The following SH3D19 variants were observed in gnomAD, a reference collection of about 807,000 sequenced individuals.
The protein encoded by SH3D19 is SH3 domain containing 19, also known as SH3 domain-containing protein 19.
A neutral mutation model predicts 112.1 loss-of-function variants in SH3D19; 58 were observed. The ratio of observed to expected loss-of-function variants is 0.52; its 90% confidence interval spans 0.42 to 0.64. The LOEUF (loss-of-function observed/expected upper bound fraction) is 0.64, where lower values mean the gene tolerates loss of function less well. Ranked by LOEUF, SH3D19 falls within the 30% of genes least tolerant of loss-of-function variation. The pLI is 0.00. For synonymous variants in SH3D19, 391 were observed against 448.5 expected (o/e 0.87, Z 1.62); for missense variants, 1,090 against 1,263.4 (o/e 0.86, Z 2.08).
chr4:151,153,350 G>A (rs1052222687), intron 9 of SH3D19, among the ~76,000 whole-genome samples: 6 of 151,804 alleles, frequency 4.0e-5, no homozygotes, highest in Middle Eastern at 3.4e-3. Context: ...GGGTTCAAGC[G>A]ATTCTCCTGC....
At chr4:151,140,343 C>CA (rs1433623657) in intron 12 of SH3D19, 1 of 152,480 alleles carries the variant, frequency 6.6e-6, no homozygotes, top group Non-Finnish European at 1.5e-5. Context: ...GTATAATTCA[C>CA]AAAAAGTAAA....
chr4:151,171,163 T>C (rs996092614), intron 7 of SH3D19, among the ~76,000 whole-genome samples: 4 of 152,138 alleles, frequency 2.6e-5, no homozygotes, highest in Non-Finnish European at 5.9e-5. Context: ...CTCTAAGCTC[T>C]GGATATTGTA....
chr4:151,123,115 G>A (rs893841075), intron 19 of SH3D19, among the ~76,000 whole-genome samples: 1 of 152,180 alleles, frequency 6.6e-6, no homozygotes, highest in Non-Finnish European at 1.5e-5. Context: ...CTCACAAAGT[G>A]TTGGGGTTAC....
intron 2 of SH3D19, among the ~76,000 whole-genome samples, chr4:151,192,718 G>A (rs1044087622): frequency 5.3e-5 from 8 of 152,096 alleles, no homozygotes; most frequent in East Asian, 3.8e-4. Flanking sequence ...CTTTGTGAAC[G>A]CTGTATTTCC....
intron 1 of SH3D19, among the ~76,000 whole-genome samples, chr4:151,262,546 TTCTCA>T (rs1315335241): frequency 6.6e-6 from 1 of 152,210 alleles, no homozygotes; most frequent in Non-Finnish European, 1.5e-5. Context: ...CTTCCTCCAC[TTCTCA>T]TATCTTCAGA....
chr4:151,144,019 G>A lies in SH3D19; in HGVS notation c.2114C>T (p.Thr705Met), dbSNP rs377758866. 59 of 1,613,836 alleles carry A rather than the reference G, an allele frequency of 3.7e-5. No individual in the cohort carries two copies. The highest frequency in any genetic ancestry group is 6.7e-5 in the East Asian group (3 of 44,886). ...RGDVLVMLKQ[T>M]ENNYLECQKG... is the part of the protein sequence containing the mutation. ...TTGGCACTCCAAGTAATTATTTTCC[G>A]TCTGCTTCAGCATCACAAGTACATC... Residue 705 changes from threonine (T) to methionine (M), a missense_variant, in exon 12 of 20, where the codon ACG (threonine) becomes ATG (methionine). Coordinates refer to ENST00000604030, the MANE Select transcript of SH3D19 (RefSeq NM_001378122.1).
intron 1 of SH3D19, among the ~76,000 whole-genome samples, chr4:151,252,599 TGGC>T (rs1771504311): frequency 6.6e-6 from 1 of 152,214 alleles, no homozygotes; most frequent in Non-Finnish European, 1.5e-5. Flanking sequence ...TCTCATCTCA[TGGC>T]TTTAAATACT....
intron 4 of SH3D19, 106 bp from the exon 5 acceptor site, chr4:151,177,061 T>C (rs1760061808): frequency 3.0e-6 from 3 of 998,732 alleles, no homozygotes; most frequent in Non-Finnish European, 3.9e-6. Context: ...AAAAAAGTTG[T>C]AAGAACTAAC....
At chr4:151,179,661 A>G (rs996369398) in intron 3 of SH3D19, among the ~76,000 whole-genome samples, 1 of 152,246 alleles carries the variant, frequency 6.6e-6, no homozygotes, top group African/African-American at 2.4e-5. Flanking sequence ...TAGTTTGAAG[A>G]ATGAACAGAG....
chr4:151,201,247 T>C (rs1764350445), intron 2 of SH3D19, among the ~76,000 whole-genome samples: 1 of 152,156 alleles, frequency 6.6e-6, no homozygotes, highest in Non-Finnish European at 1.5e-5. Context: ...GTAGATGCCA[T>C]TACAGGGCTG....
At chr4:151,199,793 C>G (rs543700973) in intron 2 of SH3D19, among the ~76,000 whole-genome samples, 1 of 152,096 alleles carries the variant, frequency 6.6e-6, no homozygotes, top group African/African-American at 2.4e-5. Context: ...CCCCAAACTA[C>G]GAAATAGTAT....
intron 2 of SH3D19, among the ~76,000 whole-genome samples, chr4:151,212,051 AG>A (rs1484008387): frequency 6.6e-6 from 1 of 152,242 alleles, no homozygotes; most frequent in Non-Finnish European, 1.5e-5. Flanking sequence ...TAGACAGAAA[AG>A]TCAATGTCTG....
chr4:151,312,063 C>T lies in SH3D19; in HGVS notation c.112+13178G>A, dbSNP rs574935168. Reference sequence around the variant, plus strand: ...CTATAAGAAACAAAAAAAAAGGTAGCTATGTGAGGTGATGGATCCTTTAAT... The same window carrying T: ...CTATAAGAAACAAAAAAAAAGGTAGTTATGTGAGGTGATGGATCCTTTAAT... On this transcript the variant is annotated intron_variant, in intron 1 of 19. Transcript: ENST00000604030. 3.9e-5 allele frequency among the ~76,000 whole-genome samples: 6 copies of T among 152,050 alleles called. No homozygotes were observed. In the South Asian group the frequency reaches 1.2e-3, roughly 32 times the overall value.
intron 3 of SH3D19, among the ~76,000 whole-genome samples, chr4:151,181,233 C>T (rs1415187549): frequency 6.6e-6 from 1 of 152,102 alleles, no homozygotes; most frequent in Non-Finnish European, 1.5e-5. Context: ...TTGTTCAATT[C>T]TTCCTATTTG....
chr4:151,124,175 C>T (rs770849399), intron 19 of SH3D19, among the ~76,000 whole-genome samples: 2 of 151,510 alleles, frequency 1.3e-5, no homozygotes, highest in African/African-American at 2.4e-5. Context: ...GGCAAGATCT[C>T]GGCTCACTGC....
intron 1 of SH3D19, chr4:151,283,321 A>T (rs748025033): frequency 6.3e-7 from 1 of 1,599,056 alleles, no homozygotes; most frequent in Non-Finnish European, 8.6e-7. Flanking sequence ...TTTTTTAAAC[A>T]TGAGATCTTA....
At chr4:151,197,074 G>C (rs1441662467) in intron 2 of SH3D19, among the ~76,000 whole-genome samples, 2 of 152,160 alleles carry the variant, frequency 1.3e-5, no homozygotes, top group African/African-American at 4.8e-5. Context: ...AGCCACTATG[G>C]AAAACAGTGT....
chr4:151,143,246 A>G (rs899197809), intron 12 of SH3D19, among the ~76,000 whole-genome samples: 8 of 151,864 alleles, frequency 5.3e-5, no homozygotes, highest in Admixed American at 3.3e-4. Flanking sequence ...AAAAAAAAAA[A>G]TTCTAATTTT....
intron 2 of SH3D19, among the ~76,000 whole-genome samples, chr4:151,195,582 A>T (rs2149872781): frequency 6.6e-6 from 1 of 151,936 alleles, no homozygotes; most frequent in African/African-American, 2.4e-5. Flanking sequence ...TATGATTTGA[A>T]TTTCTGCTTT....
Sources: gnomAD v4.1 joint callset for allele counts (sites outside exome capture counted in the v4.1 genomes callset) on GRCh38, gnomAD v4.1.1 for gene constraint, MANE v1.5 for transcripts, NCBI Gene and HGNC (gene_info 2026-07-23, HGNC 2026-07-21) for gene names.